The following RYR2 variants were observed in gnomAD, a reference collection of about 807,000 sequenced individuals.
RYR2 encodes ryanodine receptor 2, also known as cardiac muscle ryanodine receptor-calcium release channel.
A neutral mutation model predicts 601.1 loss-of-function variants in RYR2; 227 were observed. That is an observed-to-expected ratio of 0.38 (90% confidence interval 0.34 to 0.42). The LOEUF is 0.42. Ranked by LOEUF, RYR2 falls within the 10% of genes least tolerant of loss-of-function variation. The pLI, the probability that RYR2 is intolerant of heterozygous loss-of-function variation, is 1.00. For synonymous variants in RYR2, 2,223 were observed against 2,175.1 expected (o/e 1.02, Z -0.61); for missense variants, 4,646 against 6,156.5 (o/e 0.75, Z 8.21).
At position 237,242,663 on chromosome 1, in the gene RYR2, A is replaced by G. The variant is rs148949165; in HGVS notation, c.49-27834A>G. ...CACTAAGGGCTTGAGAAAATATATA[A>G]CATGAATATTCATGAAAGTCACTTC... is the stretch of plus-strand genomic sequence containing the variant. On this transcript the variant is annotated intron_variant, in intron 1 of 104. Coordinates refer to ENST00000366574, the MANE Select transcript of RYR2 (RefSeq NM_001035.3). Among the ~76,000 whole-genome samples, 7 of 152,246 alleles carry G rather than the reference A, an allele frequency of 4.6e-5. No individual in the cohort carries two copies. In the East Asian group the frequency reaches 1.4e-3, roughly 29 times the overall value.
intron 76 of RYR2, among the ~76,000 whole-genome samples, chr1:237,730,022 G>A (rs1033653920): frequency 2.6e-5 from 4 of 152,124 alleles, no homozygotes; most frequent in Non-Finnish European, 5.9e-5. Flanking sequence ...TGGGAAAGTC[G>A]AGTCACTTGA....
At chr1:237,056,874 G>T (rs756334680) in intron 1 of RYR2, among the ~76,000 whole-genome samples, 6 of 152,180 alleles carry the variant, frequency 3.9e-5, no homozygotes, top group African/African-American at 7.2e-5. Context: ...GCATGGAACA[G>T]GTTCCCCCTC....
At chr1:237,451,517 G>T in intron 14 of RYR2, among the ~76,000 whole-genome samples, 1 of 149,446 alleles carries the variant, frequency 6.7e-6, no homozygotes. Flanking sequence ...GGAGGCAGAG[G>T]TTGCAGTGAG....
chr1:237,393,241 T>C (rs1702537539), intron 10 of RYR2, among the ~76,000 whole-genome samples: 1 of 152,202 alleles, frequency 6.6e-6, no homozygotes, highest in East Asian at 1.9e-4. Flanking sequence ...AATTAAGTCA[T>C]AGTTTCTGAC....
rs1191516934 is a variant in RYR2 at position 237,330,824 on chromosome 1, T to G, written c.169-54T>G. On this transcript the variant is annotated intron_variant, in intron 2 of 104. Coordinates refer to ENST00000366574, the MANE Select transcript of RYR2 (RefSeq NM_001035.3). ...CTGGAGCCTCCTAAGGTAAGCTGGG[T>G]CTGGATGCTTGATGAAGATGATGCT... 5 of 1,389,272 alleles carry G rather than the reference T, an allele frequency of 3.6e-6. No homozygotes were observed. The African/African-American group carries it at 5.7e-5, about 16-fold the overall frequency. 86.1% of individuals were successfully genotyped at this position (1,389,272 alleles called of 1,614,324 possible). A position where few individuals can be genotyped will look rare whatever the true frequency, so the allele number is the denominator to read the frequency against.
intron 1 of RYR2, among the ~76,000 whole-genome samples, chr1:237,242,811 A>G (rs1329998587): frequency 6.6e-6 from 1 of 152,166 alleles, no homozygotes; most frequent in Non-Finnish European, 1.5e-5. Flanking sequence ...TACTCGAGTT[A>G]CTGATGATAG....
At position 237,761,043 on chromosome 1, in the gene RYR2, CATTAA is replaced by C; in HGVS notation, c.11476+17_11476+21del. On this transcript the variant is annotated intron_variant, in intron 84 of 104. Coordinates refer to ENST00000366574, the MANE Select transcript of RYR2 (RefSeq NM_001035.3). ...GGAAGGATCAGGTATTAATGACTTACATTAAAAGGATCACCTGTCTCCCTTCCCTC... is the reference window on the plus strand; with the variant it reads ...GGAAGGATCAGGTATTAATGACTTACAAGGATCACCTGTCTCCCTTCCCTC... 2.0e-6 allele frequency: 3 copies of C among 1,481,716 alleles called. No homozygotes were observed. Among genetic ancestry groups the C allele is most frequent in the Non-Finnish European group, 2.8e-6 (3 of 1,078,462 alleles). 91.8% of individuals were successfully genotyped at this position (1,481,716 alleles called of 1,614,324 possible). A position where few individuals can be genotyped will look rare whatever the true frequency, so the allele number is the denominator to read the frequency against.
Position 237,590,816 on chromosome 1 carries a change from T to G in RYR2, c.3984T>G (p.Phe1328Leu). Reference protein sequence around the residue: ...VAGGLPGAGLFGPKNDLEDYD... With the variant: ...VAGGLPGAGLLGPKNDLEDYD... ...GAGGGCTCCCTGGGGCTGGCCTTTT[T>G]GGGCCCAAGAATGACTTGGAAGATT... is the stretch of plus-strand genomic sequence containing the variant. The change falls in exon 31 of 105, where the codon TTT becomes TTG. Residue 1328 changes from phenylalanine to leucine, a missense_variant. Transcript: ENST00000366574. 1 of 1,613,886 alleles carries G rather than the reference T, an allele frequency of 6.2e-7. No homozygotes were observed. The highest frequency in any genetic ancestry group is 8.5e-7 in the Non-Finnish European group (1 of 1,179,860).
chr1:237,534,311 A>G (rs1303489484), intron 25 of RYR2, among the ~76,000 whole-genome samples: 1 of 152,104 alleles, frequency 6.6e-6, no homozygotes, highest in African/African-American at 2.4e-5. Flanking sequence ...ACAGCTTCAA[A>G]AATCAATGAA....
At chr1:237,503,852 C>T (rs1664923183) in intron 22 of RYR2, among the ~76,000 whole-genome samples, 1 of 152,080 alleles carries the variant, frequency 6.6e-6, no homozygotes, top group Admixed American at 6.5e-5. Flanking sequence ...GGATTACAGG[C>T]GCCCACCACC....
chr1:237,099,106 GA>G (rs61415751), intron 1 of RYR2, among the ~76,000 whole-genome samples: 5,347 of 150,026 alleles, frequency 0.036, 137 homozygotes, highest in East Asian at 0.13. Context: ...AGTGTGAACG[GA>G]AAAAAAAAAA....
At chr1:237,043,355 G>A (rs1166703907) in intron 1 of RYR2, among the ~76,000 whole-genome samples, 1 of 152,158 alleles carries the variant, frequency 6.6e-6, no homozygotes, top group African/African-American at 2.4e-5. Flanking sequence ...TTCTCTAAAT[G>A]CTGGCTTATT....
chr1:237,554,346 C>T (rs1239325089), intron 27 of RYR2, among the ~76,000 whole-genome samples: 6 of 151,936 alleles, frequency 3.9e-5, no homozygotes, highest in Non-Finnish European at 7.4e-5. Flanking sequence ...TAACTCTCTT[C>T]AGTCATGATG....
At chr1:237,592,848 C>T (rs1022614929) in intron 32 of RYR2, among the ~76,000 whole-genome samples, 1 of 151,504 alleles carries the variant, frequency 6.6e-6, no homozygotes, top group African/African-American at 2.4e-5. Flanking sequence ...TGGTGAAACC[C>T]CGTCTTTACT....
chr1:237,768,570 C>T (rs1164983455), intron 84 of RYR2, among the ~76,000 whole-genome samples: 1 of 152,164 alleles, frequency 6.6e-6, no homozygotes, highest in African/African-American at 2.4e-5. Flanking sequence ...TCATAATTTA[C>T]CAGTGTAAGA....
chr1:237,442,698 T>C (rs1269516671), intron 13 of RYR2, among the ~76,000 whole-genome samples: 5 of 152,192 alleles, frequency 3.3e-5, no homozygotes. Flanking sequence ...CATCGAGTTT[T>C]TAAAAAATCC....
At chr1:237,810,178 C>G (rs1661107701) in intron 100 of RYR2, among the ~76,000 whole-genome samples, 1 of 151,916 alleles carries the variant, frequency 6.6e-6, no homozygotes, top group Non-Finnish European at 1.5e-5. Context: ...AAAAGAGCAA[C>G]TATAAATAAA....
chr1:237,648,887 G>A (rs774885596), intron 49 of RYR2, among the ~76,000 whole-genome samples: 1 of 152,164 alleles, frequency 6.6e-6, no homozygotes, highest in Non-Finnish European at 1.5e-5. Flanking sequence ...TCAATAAGAG[G>A]TTCACATAAC....
Position 237,264,933 on chromosome 1 carries a change from C to G in RYR2, c.49-5564C>G, listed in dbSNP as rs377256130. Among the ~76,000 whole-genome samples, 60 of 151,984 alleles carry G rather than the reference C, an allele frequency of 3.9e-4. 1 individual carries two copies. The South Asian group carries it at 0.011, about 29-fold the overall frequency. The stretch of plus-strand genomic sequence containing the variant: ...GCCAGGCTGGTCTCAAACTCCTGAC[C>G]TCAGGTGATCCACCTGCCTCGGCCT... On this transcript the variant is annotated intron_variant, in intron 1 of 104. Transcript: ENST00000366574.
Sources: gnomAD v4.1 joint callset for allele counts (sites outside exome capture counted in the v4.1 genomes callset) on GRCh38, gnomAD v4.1.1 for gene constraint, MANE v1.5 for transcripts, NCBI Gene and HGNC (gene_info 2026-07-23, HGNC 2026-07-21) for gene names.